Variants in DIRAS1 observed in about 807,000 individuals in gnomAD.
DIRAS1 encodes the protein GTP-binding protein Di-Ras1.
In DIRAS1, 3 loss-of-function variants were observed where a neutral mutation model predicts 11.5. The observed-to-expected ratio is 0.26, with a 90% CI of 0.12 to 0.67. DIRAS1 has a LOEUF of 0.67. DIRAS1 is among the 30% of genes least tolerant of loss of function. The pLI is 0.80. For synonymous variants in DIRAS1, 128 were observed against 125.8 expected, an observed-to-expected ratio of 1.02 and a Z score of -0.12; for missense variants, 212 against 285.3, an observed-to-expected ratio of 0.74 and a Z score of 1.85.
At position 2,717,985 on chromosome 19, in the gene DIRAS1, G is replaced by A. The variant is rs1020224606; in HGVS notation, c.-69-110C>T. 1.0e-4 allele frequency: 68 copies of A among 663,156 alleles called. No homozygotes were observed. The South Asian group carries it at 1.2e-3, about 12-fold the overall frequency. 41.1% of individuals were successfully genotyped at this position (663,156 alleles called of 1,614,324 possible). On this transcript the variant is annotated intron_variant, in intron 1 of 1. Transcript: ENST00000323469. The stretch of plus-strand genomic sequence containing the variant: ...CGGCTTCTCAGAGGAGGTGGCTGCC[G>A]TGCCTCCTGCCTCCTGAAAAGGCCC...
rs1913885707 is a variant in DIRAS1 at position 2,718,711 on chromosome 19, G to C, written c.-69-836C>G. Among the ~76,000 whole-genome samples the C allele has an allele frequency of 1.3e-5, 2 of 151,536 alleles. No individual in the cohort carries two copies. Among genetic ancestry groups the C allele is most frequent in the African/African-American group, 2.4e-5 (1 of 41,200 alleles). ...CGGCTAATTTTATATTTTTAGTAGA[G>C]GCAGGGTTTCTCCATGTTGGTCAGG... On this transcript the variant is annotated intron_variant, in intron 1 of 1. Coordinates refer to ENST00000323469, the MANE Select transcript of DIRAS1 (RefSeq NM_145173.4). This position sits in a 1 kb window ranked among gnomAD's most constrained non-coding sequence, Gnocchi z 4.2.
intron 1 of DIRAS1, among the ~76,000 whole-genome samples, chr19:2,721,060 G>C (rs536990288): frequency 6.7e-6 from 1 of 150,068 alleles, no homozygotes; most frequent in Non-Finnish European, 1.5e-5. Flanking sequence ...GGCTCGGCAG[G>C]GGGGCGCCCT....
rs1209983917 is a variant in DIRAS1, at chr19:2,714,885, G to A, written c.*2325C>T. ...GATTGTGCTATCAGGGTGTGTCCCTGAGAAAGGGCCGCAGACCCCTGCCCA... is the reference window on the plus strand; with the variant it reads ...GATTGTGCTATCAGGGTGTGTCCCTAAGAAAGGGCCGCAGACCCCTGCCCA... On this transcript the variant is annotated 3_prime_UTR_variant, in exon 2 of 2. Coordinates refer to ENST00000323469, the MANE Select transcript of DIRAS1 (RefSeq NM_145173.4). 1 of 152,654 alleles carries A rather than the reference G, an allele frequency of 6.6e-6. No homozygotes were observed. Among genetic ancestry groups the A allele is most frequent in the Non-Finnish European group, 1.5e-5 (1 of 68,138 alleles). 9.5% of individuals were successfully genotyped at this position (152,654 alleles called of 1,614,324 possible). A position where few individuals can be genotyped will look rare whatever the true frequency, so the allele number is the denominator to read the frequency against.
At chr19:2,720,584 C>G (rs1162672510) in intron 1 of DIRAS1, among the ~76,000 whole-genome samples, 1 of 152,198 alleles carries the variant, frequency 6.6e-6, no homozygotes, top group Non-Finnish European at 1.5e-5. Context: ...AGCCCACCCC[C>G]AGACGTCCAG....
Position 2,716,308 on chromosome 19 carries a change from T to C in DIRAS1, c.*902A>G, listed in dbSNP as rs571078275. On this transcript the variant is annotated 3_prime_UTR_variant, in exon 2 of 2. Transcript: ENST00000323469. The stretch of plus-strand genomic sequence containing the variant: ...CCGGGGCGCCCTCGGATCCTGCTGG[T>C]GCTGGCTCCCATCGGCTGTCCCCCC... 1 of 152,476 alleles carries C rather than the reference T, an allele frequency of 6.6e-6. No homozygotes were observed. The highest frequency in any genetic ancestry group is 2.4e-5 in the African/African-American group (1 of 41,570). The allele number at this position is 152,476 out of a possible 1,614,324, so 9.4% of individuals were successfully genotyped here. A position where few individuals can be genotyped will look rare whatever the true frequency, so the allele number is the denominator to read the frequency against.
intron 1 of DIRAS1, 38 bp from the exon 2 acceptor site, chr19:2,717,913 A>T (rs1913866740): frequency 2.5e-6 from 3 of 1,201,976 alleles, no homozygotes. Flanking sequence ...AAGGCCACCC[A>T]GGCTTGAGGG....
Position 2,715,742 on chromosome 19 carries a change from A to G in DIRAS1, c.*1468T>C, listed in dbSNP as rs529645947. ...ATTTGGAACCGAAAGTCACATTGCT[A>G]GAGTCATGTTGCTATAGAGTGGAAC... On this transcript the variant is annotated 3_prime_UTR_variant, in exon 2 of 2. Transcript: ENST00000323469. 6.6e-6 allele frequency: 1 copy of G among 152,364 alleles called. No homozygotes were observed. The highest frequency in any genetic ancestry group is 1.5e-5 in the Non-Finnish European group (1 of 68,048). The allele number at this position is 152,364 out of a possible 1,614,324, so 9.4% of individuals were successfully genotyped here. A position where few individuals can be genotyped will look rare whatever the true frequency, so the allele number is the denominator to read the frequency against.
rs1033732238 is a variant in DIRAS1 at position 2,717,073 on chromosome 19, G to A, written c.*137C>T. 4.6e-6 allele frequency: 4 copies of A among 877,712 alleles called. No homozygotes were observed. Among genetic ancestry groups the A allele is most frequent in the African/African-American group, 1.8e-5 (1 of 56,822 alleles). 54.4% of individuals were successfully genotyped at this position (877,712 alleles called of 1,614,324 possible). A position where few individuals can be genotyped will look rare whatever the true frequency, so the allele number is the denominator to read the frequency against. On this transcript the variant is annotated 3_prime_UTR_variant, in exon 2 of 2. Coordinates refer to ENST00000323469, the MANE Select transcript of DIRAS1 (RefSeq NM_145173.4). ...GGTGGGCAGGGGCAGCGGAGGGGGG[G>A]GCGGTGGCCTCGGTTTCCCCAGCCG...
At position 2,715,150 on chromosome 19, in the gene DIRAS1, C is replaced by G. The variant is rs1385622568; in HGVS notation, c.*2060G>C. 6.6e-6 allele frequency: 1 copy of G among 152,242 alleles called. No homozygotes were observed. Among genetic ancestry groups the G allele is most frequent in the East Asian group, 1.9e-4 (1 of 5,198 alleles). 9.4% of individuals were successfully genotyped at this position (152,242 alleles called of 1,614,324 possible). On this transcript the variant is annotated 3_prime_UTR_variant, in exon 2 of 2. Coordinates refer to ENST00000323469, the MANE Select transcript of DIRAS1 (RefSeq NM_145173.4). ...TAAACATTTGTTGAGTAAACACTCA[C>G]ACGAACACAGAGGAAAACAAACATG... is the stretch of plus-strand genomic sequence containing the variant.
At chr19:2,721,029 G>T (rs1015300202) in intron 1 of DIRAS1, among the ~76,000 whole-genome samples, 2 of 150,646 alleles carry the variant, frequency 1.3e-5, no homozygotes, top group Non-Finnish European at 3.0e-5. Flanking sequence ...GAGGGGCGGC[G>T]GGGTGGGCCT....
chr19:2,717,160 G>A lies in DIRAS1; in HGVS notation c.*50C>T, dbSNP rs1568294562. On this transcript the variant is annotated 3_prime_UTR_variant, in exon 2 of 2. Transcript: ENST00000323469. ...CGAGGAGGGTGTCGGTGTTGGGGGA[G>A]GCAGCGGGGGTCAGTGGGGGTGGGC... is the stretch of plus-strand genomic sequence containing the variant. 6 of 1,517,112 alleles carry A rather than the reference G, an allele frequency of 4.0e-6. No homozygotes were observed. The highest frequency in any genetic ancestry group is 2.8e-5 in the African/African-American group (2 of 71,786). 94.0% of individuals were successfully genotyped at this position (1,517,112 alleles called of 1,614,324 possible).
At position 2,716,756 on chromosome 19, in the gene DIRAS1, G is replaced by C. The variant is rs1913812047; in HGVS notation, c.*454C>G. 1 of 171,690 alleles carries C rather than the reference G, an allele frequency of 5.8e-6. No homozygotes were observed. The highest frequency in any genetic ancestry group is 1.7e-4 in the South Asian group (1 of 5,794). 10.6% of individuals were successfully genotyped at this position (171,690 alleles called of 1,614,324 possible). On this transcript the variant is annotated 3_prime_UTR_variant, in exon 2 of 2. Coordinates refer to ENST00000323469, the MANE Select transcript of DIRAS1 (RefSeq NM_145173.4). ...GAGAAAAAAGAAAAAAATATCTGAG[G>C]CCGATGTGCATTTTCAACTCCCCCC... is the stretch of plus-strand genomic sequence containing the variant.
In DIRAS1 at chr19:2,717,048, G is replaced by C; in HGVS notation, c.*162C>G. ...AAGAAAAGCCCCAGCCCTGCCTCGG[G>C]GTGGGCAGGGGCAGCGGAGGGGGGG... On this transcript the variant is annotated 3_prime_UTR_variant, in exon 2 of 2. Coordinates refer to ENST00000323469, the MANE Select transcript of DIRAS1 (RefSeq NM_145173.4). 1 of 693,890 alleles carries C rather than the reference G, an allele frequency of 1.4e-6. No individual in the cohort carries two copies. The allele number at this position is 693,890 out of a possible 1,614,324, so 43.0% of individuals were successfully genotyped here. A position where few individuals can be genotyped will look rare whatever the true frequency, so the allele number is the denominator to read the frequency against.
chr19:2,717,979 G>T (rs1318809013), intron 1 of DIRAS1, 104 bp from the exon 2 acceptor site: 4 of 686,824 alleles, frequency 5.8e-6, no homozygotes, highest in African/African-American at 1.8e-5. Context: ...AGAGGAGGTG[G>T]CTGCCGTGCC....
At position 2,717,072 on chromosome 19, in the gene DIRAS1, G is replaced by C. The variant is rs980782920; in HGVS notation, c.*138C>G. 8 of 872,834 alleles carry C rather than the reference G, an allele frequency of 9.2e-6. No homozygotes were observed. In the African/African-American group the frequency reaches 1.4e-4, roughly 15 times the overall value. 54.1% of individuals were successfully genotyped at this position (872,834 alleles called of 1,614,324 possible). ...GGGTGGGCAGGGGCAGCGGAGGGGG[G>C]GGCGGTGGCCTCGGTTTCCCCAGCC... On this transcript the variant is annotated 3_prime_UTR_variant, in exon 2 of 2. Transcript: ENST00000323469.
In DIRAS1 at chr19:2,717,715, G is replaced by T. The variant is rs768435117; in HGVS notation, c.92C>A (p.Thr31Lys). The stretch of plus-strand genomic sequence containing the variant: ...GGTGGGGATGTAGGTGTCGCGGAAC[G>T]TGCCCTTCACGAAGCGCAGCACCAG... ...SSLVLRFVKG[T>K]FRDTYIPTIE... Residue 31 changes from threonine (T) to lysine (K), a missense_variant, in exon 2 of 2, where the codon ACG becomes AAG. By Grantham distance (78) the Thr-to-Lys change is moderately conservative. Coordinates refer to ENST00000323469, the MANE Select transcript of DIRAS1 (RefSeq NM_145173.4). 1 of 1,609,088 alleles carries T rather than the reference G, an allele frequency of 6.2e-7. No homozygotes were observed.
Position 2,716,422 on chromosome 19 carries a change from G to A in DIRAS1, c.*788C>T, listed in dbSNP as rs535311173. Reference sequence around the variant, plus strand: ...TCCCCACCCGCCATGCGTTGCTAACGTCTCTGTCTTGGTGGAAGAGGCGGG... The same window carrying A: ...TCCCCACCCGCCATGCGTTGCTAACATCTCTGTCTTGGTGGAAGAGGCGGG... On this transcript the variant is annotated 3_prime_UTR_variant, in exon 2 of 2. Coordinates refer to ENST00000323469, the MANE Select transcript of DIRAS1 (RefSeq NM_145173.4). 5.9e-5 allele frequency: 9 copies of A among 152,600 alleles called. No homozygotes were observed. Among genetic ancestry groups the A allele is most frequent in the African/African-American group, 1.7e-4 (7 of 41,572 alleles). The allele number at this position is 152,600 out of a possible 1,614,324, so 9.5% of individuals were successfully genotyped here.
At position 2,717,265 on chromosome 19, in the gene DIRAS1, C is replaced by T. The variant is rs200400450; in HGVS notation, c.542G>A (p.Arg181His). Residue 181 changes from arginine (R) to histidine (H), a missense_variant, in exon 2 of 2, where the codon CGC becomes CAC. Physicochemically the swap from Arg to His is conservative, Grantham distance 29 (BLOSUM62 0). Transcript: ENST00000323469. ...RNMSLNIDGK[R>H]SGKQKRTDRV... is the part of the protein sequence containing the mutation. ...GTCTGTCCTCTTCTGCTTCCCGGAG[C>T]GCTTGCCGTCGATGTTGAGGCTCAT... 28 of 1,610,786 alleles carry T rather than the reference C, an allele frequency of 1.7e-5. No individual in the cohort carries two copies. The East Asian group carries it at 4.0e-4, about 23-fold the overall frequency.
Position 2,716,994 on chromosome 19 carries a change from A to C in DIRAS1, c.*216T>G. ...CTTGGTTTTGGAGGGTACAGACAGA[A>C]CAGGAGGGTGGAGAGAGAGCAGGGG... On this transcript the variant is annotated 3_prime_UTR_variant, in exon 2 of 2. Coordinates refer to ENST00000323469, the MANE Select transcript of DIRAS1 (RefSeq NM_145173.4). 2 of 584,644 alleles carry C rather than the reference A, an allele frequency of 3.4e-6. No homozygotes were observed. Among genetic ancestry groups the C allele is most frequent in the Non-Finnish European group, 3.0e-6 (1 of 330,778 alleles). 36.2% of individuals were successfully genotyped at this position (584,644 alleles called of 1,614,324 possible).
Sources: gnomAD v4.1 joint callset for allele counts (sites outside exome capture counted in the v4.1 genomes callset) on GRCh38, gnomAD v4.1.1 for gene constraint, Gnocchi (gnomAD v3.1) non-coding constraint, MANE v1.5 for transcripts, NCBI Gene and HGNC (gene_info 2026-07-23, HGNC 2026-07-21) for gene names.